Variants in CSMD1 observed in about 807,000 individuals in gnomAD.
The protein encoded by CSMD1 is CUB and sushi domain-containing protein 1.
In CSMD1, 213 loss-of-function variants were observed where a neutral mutation model predicts 417.5. The ratio of observed to expected loss-of-function variants is 0.51; its 90% CI spans 0.46 to 0.57. The LOEUF (loss-of-function observed/expected upper bound fraction) is 0.57, where lower values mean the gene tolerates loss of function less well. CSMD1 is among the 20% of genes least tolerant of loss of function. The probability of loss-of-function intolerance (pLI) is 0.00; values close to 1 mark genes in which losing one functional copy is unlikely to be tolerated. For synonymous variants in CSMD1, 2,862 were observed against 1,736.8 expected (o/e 1.65, Z -16.11); for missense variants, 6,923 against 4,529.7 (o/e 1.53, Z -15.17).
At chr8:4,279,825 CTG>C (rs1796681605) in intron 3 of CSMD1, among the ~76,000 whole-genome samples, 2 of 152,148 alleles carry the variant, frequency 1.3e-5, no homozygotes, top group African/African-American at 4.8e-5. Context: ...GATAAAAAGA[CTG>C]AGTGCTTGCC....
intron 2 of CSMD1, among the ~76,000 whole-genome samples, chr8:4,538,435 G>A (rs1797218107): frequency 6.6e-6 from 1 of 152,016 alleles, no homozygotes; most frequent in Admixed American, 6.6e-5. Context: ...CTGAGATCAG[G>A]AGTTTGAGAC....
At chr8:3,584,353 A>G (rs1429522388) in intron 9 of CSMD1, among the ~76,000 whole-genome samples, 3 of 152,192 alleles carry the variant, frequency 2.0e-5, no homozygotes, top group Non-Finnish European at 2.9e-5. Context: ...GACCCTGCGA[A>G]AAAAGTGTTC....
At chr8:3,194,707 T>G (rs1445500761) in intron 33 of CSMD1, among the ~76,000 whole-genome samples, 1 of 151,738 alleles carries the variant, frequency 6.6e-6, no homozygotes, top group Non-Finnish European at 1.5e-5. Context: ...TGAGCTCAGA[T>G]AATCTGCCTG....
At chr8:4,569,938 C>G (rs1798803979) in intron 2 of CSMD1, among the ~76,000 whole-genome samples, 1 of 150,656 alleles carries the variant, frequency 6.6e-6, no homozygotes, top group Non-Finnish European at 1.5e-5. Context: ...ATTTGGCTCT[C>G]TGTCTATTGT....
chr8:2,979,240 A>C (rs1805198970), intron 54 of CSMD1, among the ~76,000 whole-genome samples: 1 of 152,252 alleles, frequency 6.6e-6, no homozygotes, highest in Non-Finnish European at 1.5e-5. Context: ...TAGTGCTTTA[A>C]TATGTGTGCC....
Position 2,962,656 on chromosome 8 carries a change from G to A in CSMD1, c.9455-17C>T. Reference sequence around the variant, plus strand: ...AGAACACAGCTATGGAAGATAACCAGGAAGAAGTCAGCCTTCAACGTCCCT... The same window carrying A: ...AGAACACAGCTATGGAAGATAACCAAGAAGAAGTCAGCCTTCAACGTCCCT... On this transcript the variant is annotated splice_polypyrimidine_tract_variant and intron_variant, in intron 60 of 69. Coordinates refer to ENST00000635120, the MANE Select transcript of CSMD1 (RefSeq NM_033225.6). 6.2e-7 allele frequency: 1 copy of A among 1,610,286 alleles called. No homozygotes were observed. The highest frequency in any genetic ancestry group is 8.5e-7 in the Non-Finnish European group (1 of 1,177,676).
chr8:3,799,367 G>A (rs557973463), intron 5 of CSMD1, among the ~76,000 whole-genome samples: 1 of 149,390 alleles, frequency 6.7e-6, no homozygotes, highest in Non-Finnish European at 1.5e-5. Context: ...AATTGCATTA[G>A]GTATATCTCC....
intron 3 of CSMD1, among the ~76,000 whole-genome samples, chr8:4,399,677 T>G (rs13270991): frequency 0.19 from 29,657 of 152,098 alleles, 3,002 homozygotes; most frequent in Middle Eastern, 0.27. Context: ...GCAGCTGAAT[T>G]TATTAGTACA....
intron 33 of CSMD1, among the ~76,000 whole-genome samples, chr8:3,194,455 A>ATTTTG (rs1796591383): frequency 7.0e-6 from 1 of 143,574 alleles, no homozygotes; most frequent in Non-Finnish European, 1.5e-5. Context: ...ATTTTATTTT[A>ATTTTG]TTTTATTTCA....
intron 5 of CSMD1, among the ~76,000 whole-genome samples, chr8:3,768,800 T>C (rs751270273): frequency 1.3e-5 from 2 of 152,232 alleles, no homozygotes; most frequent in Admixed American, 6.5e-5. Context: ...TAAGTTTTGC[T>C]GGTAACTTGC....
At chr8:3,362,754 A>T (rs764461272) in intron 20 of CSMD1, among the ~76,000 whole-genome samples, 1 of 152,126 alleles carries the variant, frequency 6.6e-6, no homozygotes, top group Non-Finnish European at 1.5e-5. Flanking sequence ...TCATTCATGC[A>T]GGTGCAAAAT....
chr8:3,738,110 A>C (rs891925646), intron 6 of CSMD1, among the ~76,000 whole-genome samples: 1 of 152,214 alleles, frequency 6.6e-6, no homozygotes, highest in Admixed American at 6.5e-5. Flanking sequence ...TGTGGGCTCT[A>C]ACATACACTT....
intron 10 of CSMD1, among the ~76,000 whole-genome samples, chr8:3,536,639 C>T (rs948344582): frequency 6.6e-6 from 1 of 152,164 alleles, no homozygotes; most frequent in African/African-American, 2.4e-5. Flanking sequence ...TGTGAGCTGT[C>T]ACTACCATCT....
intron 12 of CSMD1, among the ~76,000 whole-genome samples, chr8:3,456,178 G>T (rs1365402314): frequency 1.3e-5 from 2 of 152,152 alleles, no homozygotes; most frequent in Non-Finnish European, 2.9e-5. Flanking sequence ...TATTAGGGTG[G>T]GAGTGACCCA....
intron 23 of CSMD1, among the ~76,000 whole-genome samples, chr8:3,319,952 T>A (rs1283953990): frequency 6.6e-6 from 1 of 152,196 alleles, no homozygotes; most frequent in Non-Finnish European, 1.5e-5. Flanking sequence ...GTTAATTTAT[T>A]GTTATCACCT....
At chr8:3,171,605 G>A (rs1031959810) in intron 37 of CSMD1, among the ~76,000 whole-genome samples, 4 of 152,142 alleles carry the variant, frequency 2.6e-5, no homozygotes, top group African/African-American at 9.7e-5. Flanking sequence ...CTGTAGAACA[G>A]AGAATTCTTT....
At chr8:4,055,757 T>C (rs1022290376) in intron 3 of CSMD1, among the ~76,000 whole-genome samples, 1 of 152,140 alleles carries the variant, frequency 6.6e-6, no homozygotes, top group African/African-American at 2.4e-5. Flanking sequence ...ATGACTTGAC[T>C]AGATACTGTA....
At position 4,812,371 on chromosome 8, in the gene CSMD1, T is replaced by C. The variant is rs191541825; in HGVS notation, c.86-174813A>G. On this transcript the variant is annotated intron_variant, in intron 1 of 69. Transcript: ENST00000635120. The stretch of plus-strand genomic sequence containing the variant: ...TTTTTGGTACAAACATTCAGTTAGA[T>C]AGAAGGTATAAATTCTACTGCTCTA... Among the ~76,000 whole-genome samples, 378 of 152,324 alleles carry C rather than the reference T, an allele frequency of 2.5e-3. 2 individuals are homozygous for C. The highest frequency in any genetic ancestry group is 8.8e-3 in the African/African-American group (366 of 41,582).
chr8:3,330,156 C>T lies in CSMD1; in HGVS notation c.3631+13138G>A, dbSNP rs530610243. Among the ~76,000 whole-genome samples, 211 of 152,206 alleles carry T rather than the reference C, an allele frequency of 1.4e-3. 1 individual carries two copies. The highest frequency in any genetic ancestry group is 4.7e-3 in the African/African-American group (196 of 41,528). On this transcript the variant is annotated intron_variant, in intron 23 of 69. Coordinates refer to ENST00000635120, the MANE Select transcript of CSMD1 (RefSeq NM_033225.6). ...AGAAATGTCATTCAAGAGATTTCTC[C>T]TTACATTGATAAACTTCTTCAATTA...
Sources: gnomAD v4.1 joint callset for allele counts (sites outside exome capture counted in the v4.1 genomes callset) on GRCh38, gnomAD v4.1.1 for gene constraint, MANE v1.5 for transcripts, NCBI Gene and HGNC (gene_info 2026-07-23, HGNC 2026-07-21) for gene names.